The following TRPC7 variants were observed in gnomAD, a reference collection of about 807,000 sequenced individuals.
TRPC7 encodes the protein short transient receptor potential channel 7.
A neutral mutation model predicts 90.1 loss-of-function variants in TRPC7; 42 were observed. The observed-to-expected ratio is 0.47, with a 90% CI of 0.36 to 0.60. TRPC7 has a LOEUF of 0.60. Ranked by LOEUF, TRPC7 falls within the 20% of genes least tolerant of loss-of-function variation. TRPC7 has a pLI of 0.00. For missense variants in TRPC7, 955 were observed against 1,112.3 expected (o/e 0.86, Z 2.01); for synonymous variants, 451 against 436.3 (o/e 1.03, Z -0.42).
chr5:136,271,942 T>C (rs558263668), intron 4 of TRPC7, among the ~76,000 whole-genome samples: 2 of 152,202 alleles, frequency 1.3e-5, no homozygotes, highest in Non-Finnish European at 2.9e-5. Context: ...GATGCAGTCA[T>C]TATGGCTGGC....
chr5:136,341,059 A>G (rs551750922), intron 2 of TRPC7, among the ~76,000 whole-genome samples: 2 of 152,296 alleles, frequency 1.3e-5, no homozygotes, highest in South Asian at 4.1e-4. Context: ...TGGGAGGGCA[A>G]TTATCAATCT....
At chr5:136,236,494 A>G (rs1755985950) in intron 7 of TRPC7, among the ~76,000 whole-genome samples, 2 of 152,214 alleles carry the variant, frequency 1.3e-5, no homozygotes, top group Non-Finnish European at 2.9e-5. Context: ...GACTGAAGTT[A>G]GTCAATAGGC....
chr5:136,213,263 A>T lies in TRPC7; in HGVS notation c.*172T>A. ...CTAGATTCACAGCAGTTCTGGGTCT[A>T]GGCAGGCCAGCGGGCTGGAGATGTC... On this transcript the variant is annotated 3_prime_UTR_variant, in exon 12 of 12. Transcript: ENST00000513104. 1 of 679,394 alleles carries T rather than the reference A, an allele frequency of 1.5e-6. No individual in the cohort carries two copies. The highest frequency in any genetic ancestry group is 2.5e-6 in the Non-Finnish European group (1 of 404,600). 42.1% of individuals were successfully genotyped at this position (679,394 alleles called of 1,614,324 possible). A position where few individuals can be genotyped will look rare whatever the true frequency, so the allele number is the denominator to read the frequency against.
chr5:136,230,776 A>G (rs865980340), intron 8 of TRPC7, among the ~76,000 whole-genome samples: 2 of 152,132 alleles, frequency 1.3e-5, no homozygotes, highest in African/African-American at 2.4e-5. Context: ...CTGTTTTTAA[A>G]TGGCCTTCCA....
In TRPC7 at chr5:136,213,513, C is replaced by G; in HGVS notation, c.2511G>C (p.Leu837=). 1 of 1,614,028 alleles carries G rather than the reference C, an allele frequency of 6.2e-7. No homozygotes were observed. Among genetic ancestry groups the G allele is most frequent in the Non-Finnish European group, 8.5e-7 (1 of 1,179,890 alleles). Residue 837 remains leucine, a synonymous_variant, in exon 12 of 12, where the codon CTG becomes CTC. Transcript: ENST00000513104. ...CAAACTTCTCGCTGAGTTGTTGAATCAGGTCTGCCAGCTCACCAGTAGCTT... is the reference window on the plus strand; with the variant it reads ...CAAACTTCTCGCTGAGTTGTTGAATGAGGTCTGCCAGCTCACCAGTAGCTT... ...KSQATGELAD[L]IQQLSEKFGK... is the part of the protein sequence containing the mutation.
At chr5:136,278,867 G>A (rs1349379247) in intron 3 of TRPC7, among the ~76,000 whole-genome samples, 1 of 152,068 alleles carries the variant, frequency 6.6e-6, no homozygotes, top group Non-Finnish European at 1.5e-5. Flanking sequence ...CTATCTGGAT[G>A]CCTCTATAGA....
chr5:136,295,909 G>T (rs150394421), intron 3 of TRPC7, among the ~76,000 whole-genome samples: 1 of 152,212 alleles, frequency 6.6e-6, no homozygotes, highest in South Asian at 2.1e-4. Flanking sequence ...CACCTCTAAC[G>T]GTATTTTAGC....
At chr5:136,354,538 C>T (rs1447923572) in intron 2 of TRPC7, among the ~76,000 whole-genome samples, 1 of 152,158 alleles carries the variant, frequency 6.6e-6, no homozygotes, top group African/African-American at 2.4e-5. Flanking sequence ...GCTTCCATGG[C>T]CTCACCTACA....
At chr5:136,332,964 A>C (rs934720418) in intron 2 of TRPC7, among the ~76,000 whole-genome samples, 1 of 152,188 alleles carries the variant, frequency 6.6e-6, no homozygotes, top group Non-Finnish European at 1.5e-5. Context: ...GGAGCTGCTG[A>C]CCACTGCCAA....
intron 2 of TRPC7, among the ~76,000 whole-genome samples, chr5:136,330,278 A>G (rs969852945): frequency 2.0e-5 from 3 of 152,388 alleles, no homozygotes; most frequent in Middle Eastern, 3.4e-3. Flanking sequence ...GTTATCATTT[A>G]TCAAGTGCTT....
At position 136,266,302 on chromosome 5, in the gene TRPC7, G is replaced by T. The variant is rs750411927; in HGVS notation, c.1263C>A (p.Phe421Leu). 1.7e-5 allele frequency: 28 copies of T among 1,613,852 alleles called. No homozygotes were observed. The South Asian group carries it at 2.6e-4, about 15-fold the overall frequency. The change falls in exon 5 of 12, where the codon TTC (phenylalanine) becomes TTA (leucine). Residue 421 changes from phenylalanine to leucine, a missense_variant. This residue lies in a region of TRPC7 where 484 missense variants were observed against 509.6 expected (regional missense o/e 0.95). Coordinates refer to ENST00000513104, the MANE Select transcript of TRPC7 (RefSeq NM_020389.3). ...TGAAGATTTGTTTTGGGTAGTCTGT[G>T]AAGGTTTCGTTTGGCAGGGTTTTAA... ...EGVKTLPNET[F>L]TDYPKQIFRV...
At chr5:136,262,340 C>T (rs564669316) in intron 5 of TRPC7, among the ~76,000 whole-genome samples, 1 of 152,196 alleles carries the variant, frequency 6.6e-6, no homozygotes, top group Non-Finnish European at 1.5e-5. Flanking sequence ...CTTTGCTGTT[C>T]CTTGAACACG....
intron 10 of TRPC7, among the ~76,000 whole-genome samples, chr5:136,223,052 C>T (rs1755509168): frequency 1.3e-5 from 2 of 152,262 alleles, no homozygotes. Context: ...GCAAAGACTG[C>T]TTTCTCTCAG....
chr5:136,359,027 AAT>A (rs1325278107), intron 1 of TRPC7, among the ~76,000 whole-genome samples: 3 of 152,210 alleles, frequency 2.0e-5, no homozygotes, highest in African/African-American at 7.2e-5. Flanking sequence ...CATTTTTAAA[AAT>A]AGTCAAACAA....
chr5:136,301,882 C>G (rs1335016402), intron 3 of TRPC7, among the ~76,000 whole-genome samples: 3 of 152,174 alleles, frequency 2.0e-5, no homozygotes, highest in Non-Finnish European at 2.9e-5. Flanking sequence ...GGAGATCAAT[C>G]CCCCGTCTTC....
chr5:136,345,678 T>C (rs1759984562), intron 2 of TRPC7, among the ~76,000 whole-genome samples: 1 of 152,246 alleles, frequency 6.6e-6, no homozygotes, highest in Non-Finnish European at 1.5e-5. Context: ...TAGTTTCTTT[T>C]GCTGTGCTGA....
intron 5 of TRPC7, among the ~76,000 whole-genome samples, chr5:136,258,321 T>A (rs1242755950): frequency 6.6e-6 from 1 of 152,160 alleles, no homozygotes; most frequent in Non-Finnish European, 1.5e-5. Flanking sequence ...TTGTGTGAAA[T>A]TAAGTATTTT....
intron 7 of TRPC7, among the ~76,000 whole-genome samples, chr5:136,233,210 C>A (rs1470485586): frequency 6.6e-6 from 1 of 152,180 alleles, no homozygotes; most frequent in African/African-American, 2.4e-5. Flanking sequence ...TTTTTAGTTT[C>A]TTTTAAAACT....
chr5:136,282,822 T>A (rs942249017), intron 3 of TRPC7, among the ~76,000 whole-genome samples: 4 of 152,100 alleles, frequency 2.6e-5, no homozygotes, highest in African/African-American at 9.7e-5. Context: ...CCACCAGACA[T>A]GTATTAAATG....
Sources: gnomAD v4.1 joint callset for allele counts (sites outside exome capture counted in the v4.1 genomes callset) on GRCh38, gnomAD v4.1.1 for gene constraint, gnomAD v4.1.1 regional missense constraint, MANE v1.5 for transcripts, NCBI Gene and HGNC (gene_info 2026-07-23, HGNC 2026-07-21) for gene names.